The following NTN1 variants were observed in gnomAD, a reference collection of about 807,000 sequenced individuals.
NTN1 encodes the protein netrin 1, also known as netrin-1.
In NTN1, 11 loss-of-function variants were observed where a neutral mutation model predicts 54.2. That is an observed-to-expected ratio of 0.20 (90% CI 0.13 to 0.34). The LOEUF (loss-of-function observed/expected upper bound fraction) is 0.34. NTN1 is among the 10% of genes least tolerant of loss of function. The pLI is 1.00. For missense variants in NTN1, 740 were observed against 893.1 expected, an observed-to-expected ratio of 0.83 and a Z score of 2.18; for synonymous variants, 371 against 382.0, an observed-to-expected ratio of 0.97 and a Z score of 0.33.
In NTN1 at chr17:9,239,479, G is replaced by T. The variant is rs745954784; in HGVS notation, c.1487-161G>T. Among the ~76,000 whole-genome samples, 2 of 152,140 alleles carry T rather than the reference G, an allele frequency of 1.3e-5. No homozygotes were observed. The highest frequency in any genetic ancestry group is 4.8e-5 in the African/African-American group (2 of 41,436). ...CTTGGCCCTGTTGTTAGCAGGTGGG[G>T]GTCTACGATCAGCTTGCCACCACCC... On this transcript the variant is annotated intron_variant, in intron 6 of 6. Transcript: ENST00000173229. The surrounding 1 kb of genome is among the most constrained non-coding windows in gnomAD (Gnocchi z 5.2).
the NTN1 span, among the ~76,000 whole-genome samples, chr17:9,016,257 G>C: frequency 1.3e-5 from 2 of 152,068 alleles, no homozygotes; most frequent in Non-Finnish European, 2.9e-5. Flanking sequence ...TCTGATGCTG[G>C]TTCCAAAGGT....
chr17:9,161,501 T>C (rs2092356955), intron 2 of NTN1, among the ~76,000 whole-genome samples: 3 of 152,136 alleles, frequency 2.0e-5, no homozygotes, highest in African/African-American at 7.2e-5. Flanking sequence ...TGCTCTGGGC[T>C]GAGTGTGGTG....
chr17:9,187,127 C>T (rs1321417075), intron 5 of NTN1, among the ~76,000 whole-genome samples: 1 of 152,072 alleles, frequency 6.6e-6, no homozygotes, highest in Admixed American at 6.5e-5. Flanking sequence ...AAAAACAATA[C>T]ATTGACATGA....
chr17:9,193,602 G>A (rs1340336392), intron 5 of NTN1, among the ~76,000 whole-genome samples: 2 of 152,132 alleles, frequency 1.3e-5, no homozygotes, highest in East Asian at 3.9e-4. Flanking sequence ...TCTCCTCACA[G>A]CTGTTTTGCT....
At position 9,065,428 on chromosome 17, in the gene NTN1, C is replaced by T. The variant is rs149323538; in HGVS notation, c.1018+42037C>T. 7.1e-3 allele frequency among the ~76,000 whole-genome samples: 1,075 copies of T among 152,264 alleles called. 22 individuals are homozygous for T. Among genetic ancestry groups the T allele is most frequent in the African/African-American group, 0.024 (1,017 of 41,538 alleles). ...GCTCTTGGCTGGTTCTTTCTCATCC[C>T]TCAGGTTTGGGCTCAAATTGCCTTG... is the stretch of plus-strand genomic sequence containing the variant. On this transcript the variant is annotated intron_variant, in intron 2 of 6. Transcript: ENST00000173229.
chr17:9,081,479 C>A (rs541778069), intron 2 of NTN1, among the ~76,000 whole-genome samples: 1 of 152,328 alleles, frequency 6.6e-6, no homozygotes, highest in East Asian at 1.9e-4. Context: ...ATCACCAACA[C>A]CCAAGCTCTG....
In NTN1 at chr17:9,022,707, A is replaced by T; in HGVS notation, c.334A>T (p.Asn112Tyr). The T allele has an allele frequency of 6.2e-7, 1 of 1,601,276 alleles. No individual in the cohort carries two copies. The highest frequency in any genetic ancestry group is 1.1e-5 in the South Asian group (1 of 89,168). The change falls in exon 2 of 7, where the codon AAC becomes TAC. Residue 112 changes from asparagine to tyrosine, a missense_variant. Transcript: ENST00000173229. ...CCCGCCCGCCTTCCTCACCGACCTCAACAACCCGCACAACCTGACGTGCTG... is the reference window on the plus strand; with the variant it reads ...CCCGCCCGCCTTCCTCACCGACCTCTACAACCCGCACAACCTGACGTGCTG... ...AHPPAFLTDL[N>Y]NPHNLTCWQS...
chr17:9,018,727 C>T (rs1199989343), upstream of NTN1, among the ~76,000 whole-genome samples: 1 of 151,908 alleles, frequency 6.6e-6, no homozygotes, highest in South Asian at 2.1e-4. Context: ...CCAAAAGGTA[C>T]CCCAGTCAGC....
At chr17:9,200,618 T>C (rs2142336121) in intron 5 of NTN1, among the ~76,000 whole-genome samples, 1 of 152,334 alleles carries the variant, frequency 6.6e-6, no homozygotes, top group Middle Eastern at 3.4e-3. Flanking sequence ...CTTTTAGTAT[T>C]TTCCCTGCTC....
At chr17:9,101,683 T>C (rs901978023) in intron 2 of NTN1, among the ~76,000 whole-genome samples, 2 of 152,098 alleles carry the variant, frequency 1.3e-5, no homozygotes, top group Non-Finnish European at 2.9e-5. Context: ...TGCCTTCTTA[T>C]TGGGGGATTG....
chr17:9,083,549 A>G (rs1446462253), intron 2 of NTN1, among the ~76,000 whole-genome samples: 1 of 152,234 alleles, frequency 6.6e-6, no homozygotes, highest in Non-Finnish European at 1.5e-5. Context: ...ACATTGGCTG[A>G]AGGCTTTTGT....
rs1304230014 is a variant in NTN1 at position 9,143,176 on chromosome 17, A to C, written c.1019-19637A>C. On this transcript the variant is annotated intron_variant, in intron 2 of 6. Coordinates refer to ENST00000173229, the MANE Select transcript of NTN1 (RefSeq NM_004822.3). ...CAGAAGGGCTGTCTGTCTGGACGGGAGTAGAGGATGAGAAGAAGGTAGCGA... is the reference window on the plus strand; with the variant it reads ...CAGAAGGGCTGTCTGTCTGGACGGGCGTAGAGGATGAGAAGAAGGTAGCGA... Among the ~76,000 whole-genome samples the C allele has an allele frequency of 2.0e-5, 3 of 152,252 alleles. No individual in the cohort carries two copies. The East Asian group carries it at 5.8e-4, about 29-fold the overall frequency.
At chr17:9,158,038 G>A (rs569394583) in intron 2 of NTN1, among the ~76,000 whole-genome samples, 7 of 152,314 alleles carry the variant, frequency 4.6e-5, no homozygotes, top group South Asian at 2.1e-4. Flanking sequence ...TTTGCCCAAC[G>A]CATTTTTCCA....
chr17:9,132,928 T>C (rs1243125741), intron 2 of NTN1, among the ~76,000 whole-genome samples: 1 of 152,094 alleles, frequency 6.6e-6, no homozygotes, highest in Non-Finnish European at 1.5e-5. Flanking sequence ...TCCCTTTAAC[T>C]GAGGGTCAAA....
chr17:9,198,691 A>G (rs1287340477), intron 5 of NTN1, among the ~76,000 whole-genome samples: 1 of 152,174 alleles, frequency 6.6e-6, no homozygotes, highest in Admixed American at 6.5e-5. Context: ...TATCTCTCAC[A>G]TCTCTTCTCT....
intron 2 of NTN1, among the ~76,000 whole-genome samples, chr17:9,061,871 T>G (rs191143041): frequency 2.0e-5 from 3 of 152,138 alleles, no homozygotes; most frequent in Non-Finnish European, 4.4e-5. Flanking sequence ...GCTGAGCTAA[T>G]TTTTTGTATT....
chr17:9,119,253 T>A (rs1040172406), intron 2 of NTN1, among the ~76,000 whole-genome samples: 2 of 152,202 alleles, frequency 1.3e-5, no homozygotes, highest in Non-Finnish European at 1.5e-5. Context: ...AATGGTGCGA[T>A]CTCGGCTCAC....
chr17:9,063,007 C>T (rs182688958), intron 2 of NTN1, among the ~76,000 whole-genome samples: 39 of 152,192 alleles, frequency 2.6e-4, no homozygotes, highest in Admixed American at 2.6e-3. Flanking sequence ...AAATCCTGTC[C>T]CAGAGATGAG....
At chr17:9,138,315 G>A (rs994280379) in intron 2 of NTN1, among the ~76,000 whole-genome samples, 2 of 152,152 alleles carry the variant, frequency 1.3e-5, no homozygotes, top group Admixed American at 1.3e-4. Context: ...CCTCATAATG[G>A]GGCATCAGAG....
Sources: gnomAD v4.1 joint callset for allele counts (sites outside exome capture counted in the v4.1 genomes callset) on GRCh38, gnomAD v4.1.1 for gene constraint, Gnocchi (gnomAD v3.1) non-coding constraint, MANE v1.5 for transcripts, NCBI Gene and HGNC (gene_info 2026-07-23, HGNC 2026-07-21) for gene names.